The following GRIN2A variants were observed in gnomAD, a reference collection of about 807,000 sequenced individuals.
GRIN2A encodes glutamate receptor ionotropic, NMDA 2A.
In GRIN2A, 22 loss-of-function variants were observed where a neutral mutation model predicts 113.4. The observed-to-expected ratio is 0.19, with a 90% CI of 0.14 to 0.28. The LOEUF is 0.28. Among genes scored for constraint, GRIN2A ranks in the 10% least tolerant of loss-of-function variants. The probability of loss-of-function intolerance (pLI) is 1.00; values close to 1 mark genes in which losing one functional copy is unlikely to be tolerated. For synonymous variants in GRIN2A, 827 were observed against 738.4 expected, an observed-to-expected ratio of 1.12 and a Z score of -1.94; for missense variants, 1,502 against 1,887.0, an observed-to-expected ratio of 0.80 and a Z score of 3.78.
intron 3 of GRIN2A, among the ~76,000 whole-genome samples, chr16:9,914,420 G>A (rs1290103333): frequency 6.6e-6 from 1 of 152,206 alleles, no homozygotes; most frequent in Admixed American, 6.5e-5. Context: ...GTCCAATAGT[G>A]TCTAATAGAG....
chr16:10,147,427 T>G (rs527893308), intron 2 of GRIN2A, among the ~76,000 whole-genome samples: 1 of 122,548 alleles, frequency 8.2e-6, no homozygotes, highest in Non-Finnish European at 1.6e-5. Context: ...TTGGGCAACA[T>G]GGTGAAACAC....
intron 10 of GRIN2A, among the ~76,000 whole-genome samples, chr16:9,800,784 G>A (rs1253522893): frequency 1.3e-5 from 2 of 152,078 alleles, no homozygotes; most frequent in Non-Finnish European, 2.9e-5. Context: ...CAACAGCGAT[G>A]GTAACCTAGA....
At chr16:9,966,078 G>C (rs1008880521) in intron 2 of GRIN2A, among the ~76,000 whole-genome samples, 1 of 152,150 alleles carries the variant, frequency 6.6e-6, no homozygotes, top group Non-Finnish European at 1.5e-5. Context: ...CACTTATAGA[G>C]AATTGATCTG....
chr16:10,055,459 G>T (rs193208493), intron 2 of GRIN2A, among the ~76,000 whole-genome samples: 17 of 152,254 alleles, frequency 1.1e-4, no homozygotes, highest in African/African-American at 3.9e-4. Flanking sequence ...AAAAAGAAAA[G>T]ATTTAAACAC....
At chr16:9,868,903 T>C (rs996289158) in intron 4 of GRIN2A, among the ~76,000 whole-genome samples, 1 of 152,126 alleles carries the variant, frequency 6.6e-6, no homozygotes, top group African/African-American at 2.4e-5. Context: ...CCTGGCACTC[T>C]CCTATGTGTC....
At chr16:10,103,259 ATGT>A (rs1184984069) in intron 2 of GRIN2A, among the ~76,000 whole-genome samples, 2 of 152,188 alleles carry the variant, frequency 1.3e-5, no homozygotes, top group Non-Finnish European at 2.9e-5. Context: ...AGCTAAGCTG[ATGT>A]ATCACAGCCT....
At chr16:9,858,080 C>A (rs1178682940) in intron 4 of GRIN2A, among the ~76,000 whole-genome samples, 1 of 152,222 alleles carries the variant, frequency 6.6e-6, no homozygotes, top group Admixed American at 6.5e-5. Flanking sequence ...AATCAGTACA[C>A]TGACTGGCTC....
chr16:10,008,486 C>A (rs1251873636), intron 2 of GRIN2A, among the ~76,000 whole-genome samples: 1 of 152,142 alleles, frequency 6.6e-6, no homozygotes, highest in Non-Finnish European at 1.5e-5. Flanking sequence ...TTGTTTCCAA[C>A]AATAACAATC....
chr16:10,048,058 C>A (rs1036267225), intron 2 of GRIN2A, among the ~76,000 whole-genome samples: 1 of 152,130 alleles, frequency 6.6e-6, no homozygotes, highest in Non-Finnish European at 1.5e-5. Flanking sequence ...AAACACTATC[C>A]CTTTACTTTA....
chr16:9,852,229 C>G (rs569128231), intron 4 of GRIN2A, among the ~76,000 whole-genome samples: 2 of 152,194 alleles, frequency 1.3e-5, no homozygotes, highest in East Asian at 3.8e-4. Flanking sequence ...AGAGTTATAA[C>G]GTGGGGCTTT....
intron 2 of GRIN2A, among the ~76,000 whole-genome samples, chr16:10,045,585 G>C (rs2047244290): frequency 6.6e-6 from 1 of 152,214 alleles, no homozygotes; most frequent in Non-Finnish European, 1.5e-5. Context: ...CAGTGAGCCT[G>C]ATGAAGATAA....
chr16:9,773,544 G>T (rs1901411380), intron 11 of GRIN2A, among the ~76,000 whole-genome samples: 1 of 152,174 alleles, frequency 6.6e-6, no homozygotes, highest in African/African-American at 2.4e-5. Flanking sequence ...CAAGCTAAAT[G>T]CTCTCTTGGG....
chr16:10,148,264 C>A (rs2049487666), intron 2 of GRIN2A, among the ~76,000 whole-genome samples: 2 of 152,216 alleles, frequency 1.3e-5, no homozygotes. Context: ...GCTAAAACGG[C>A]AGAGTTGAGT....
chr16:10,048,194 GATA>G (rs1187427385), intron 2 of GRIN2A, among the ~76,000 whole-genome samples: 1 of 152,202 alleles, frequency 6.6e-6, no homozygotes, highest in Non-Finnish European at 1.5e-5. Flanking sequence ...GTAAAATGCA[GATA>G]ATAATACTCA....
In GRIN2A at chr16:9,763,867, C is replaced by T. The variant is rs1900719047; in HGVS notation, c.3677G>A (p.Gly1226Asp). ...SCLSNMPTYS[G>D]HFTMRSPFKC... ...GAAGGGGGACCTCATGGTGAAGTGG[C>T]CTGAATAGGTGGGCATGTTGGAAAG... The change falls in exon 13 of 13, where the codon GGC becomes GAC. Residue 1226 changes from glycine to aspartate, a missense_variant. Around this residue, in one of 7 missense-constraint regions of GRIN2A, gnomAD observed 832 missense variants for 789.7 expected, o/e 1.05. Transcript: ENST00000330684. 1.9e-6 allele frequency: 3 copies of T among 1,614,008 alleles called. No individual in the cohort carries two copies. Among genetic ancestry groups the T allele is most frequent in the Non-Finnish European group, 2.5e-6 (3 of 1,179,976 alleles).
intron 2 of GRIN2A, among the ~76,000 whole-genome samples, chr16:10,032,293 A>G (rs16956813): frequency 0.046 from 7,012 of 152,310 alleles, 274 homozygotes; most frequent in African/African-American, 0.1. Context: ...GGAGACTTCA[A>G]TGACATAAAA....
chr16:9,818,107 A>C (rs528533453), intron 10 of GRIN2A, among the ~76,000 whole-genome samples: 1 of 152,212 alleles, frequency 6.6e-6, no homozygotes, highest in South Asian at 2.1e-4. Flanking sequence ...TTTCATAATG[A>C]AAATTTTAAA....
At chr16:9,839,398 T>C (rs910430180) in intron 7 of GRIN2A, among the ~76,000 whole-genome samples, 3 of 151,910 alleles carry the variant, frequency 2.0e-5, no homozygotes, top group Non-Finnish European at 4.4e-5. Context: ...ACACCTTTTA[T>C]GTAAAAACAT....
intron 2 of GRIN2A, among the ~76,000 whole-genome samples, chr16:10,170,963 G>T (rs753358342): frequency 4.0e-5 from 6 of 151,868 alleles, no homozygotes; most frequent in Non-Finnish European, 7.4e-5. Context: ...AAAGCTGAGT[G>T]CGGTATGGGG....
Sources: allele counts gnomAD v4.1 joint callset (sites outside exome capture counted in the v4.1 genomes callset), GRCh38; gene constraint gnomAD v4.1.1; regional missense constraint gnomAD v4.1.1; transcripts MANE v1.5; gene names NCBI Gene and HGNC (gene_info 2026-07-23, HGNC 2026-07-21).